The following SHPRH variants were observed in gnomAD, a reference collection of about 807,000 sequenced individuals.
SHPRH encodes the protein E3 ubiquitin-protein ligase SHPRH.
Under a neutral mutation model 202.5 loss-of-function variants are expected in SHPRH, and 106 were observed. The ratio of observed to expected loss-of-function variants is 0.52; its 90% CI spans 0.45 to 0.62. The LOEUF is 0.62. SHPRH is among the 20% of genes least tolerant of loss of function. The pLI, the probability that SHPRH is intolerant of heterozygous loss-of-function variation, is 0.00. For synonymous variants in SHPRH, 729 were observed against 686.0 expected (o/e 1.06, Z -0.98); for missense variants, 1,710 against 2,020.0 (o/e 0.85, Z 2.94).
intron 23 of SHPRH, among the ~76,000 whole-genome samples, chr6:145,916,542 T>C (rs1311760554): frequency 6.6e-6 from 1 of 152,144 alleles, no homozygotes; most frequent in Non-Finnish European, 1.5e-5. Flanking sequence ...TGGCAGAAAA[T>C]AGCACCTGTG....
intron 21 of SHPRH, 58 bp from the exon 22 acceptor site, chr6:145,919,549 A>T: frequency 6.3e-7 from 1 of 1,577,432 alleles, no homozygotes; most frequent in Non-Finnish European, 8.6e-7. Context: ...ACTGGTTAAA[A>T]CCACCAAGAT....
intron 11 of SHPRH, chr6:145,935,685 C>T: frequency 5.1e-6 from 2 of 394,930 alleles, no homozygotes; most frequent in Admixed American, 3.9e-5. Flanking sequence ...TCATTACATA[C>T]AGCTTATACT....
At chr6:145,923,449 C>T (rs1038897073) in intron 18 of SHPRH, among the ~76,000 whole-genome samples, 194 bp downstream of exon 18, 3 of 151,396 alleles carry the variant, frequency 2.0e-5, no homozygotes, top group Non-Finnish European at 3.0e-5. Context: ...GAGTTAAACC[C>T]AATTATAGTA....
rs2128745815 is a variant in SHPRH at position 145,918,194 on chromosome 6, A to G, written c.4191T>C (p.Ala1397=). The change falls in exon 23 of 30, where the codon GCT becomes GCC. Residue 1397 remains alanine, a synonymous_variant. Coordinates refer to ENST00000275233, the MANE Select transcript of SHPRH (RefSeq NM_001042683.3). ...QNRIKLLNDK[A]VATSQLQKKL... ...TTTTCTGAAGCTGTGATGTAGCAAC[A>G]GCTTTATCATTTAGTAGTTTTATTC... is the stretch of plus-strand genomic sequence containing the variant. 2 of 1,602,108 alleles carry G rather than the reference A, an allele frequency of 1.2e-6. No individual in the cohort carries two copies. The highest frequency in any genetic ancestry group is 1.1e-5 in the South Asian group (1 of 88,944).
intron 14 of SHPRH, 124 bp from the exon 15 acceptor site, chr6:145,927,401 TAAAGA>T: frequency 2.3e-6 from 2 of 881,052 alleles, no homozygotes; most frequent in Admixed American, 2.8e-5. Context: ...TTTTTTTAAG[TAAAGA>T]AATTTGACTT....
intron 2 of SHPRH, among the ~76,000 whole-genome samples, chr6:145,868,750 G>A (rs529699901): frequency 1.6e-4 from 25 of 152,254 alleles, no homozygotes; most frequent in Non-Finnish European, 3.4e-4. Context: ...GTCAATTGTT[G>A]CAATATAACA....
At chr6:145,951,790 C>T in intron 3 of SHPRH, 1 of 456,062 alleles carries the variant, frequency 2.2e-6, no homozygotes, top group Non-Finnish European at 4.4e-6. Flanking sequence ...TGCTGACCCA[C>T]CATGAGCAGA....
chr6:145,951,545 T>G (rs372858881), intron 3 of SHPRH, among the ~76,000 whole-genome samples: 1 of 152,054 alleles, frequency 6.6e-6, no homozygotes, highest in East Asian at 1.9e-4. Context: ...ATGAACAAAT[T>G]GTAATATTTT....
intron 23 of SHPRH, among the ~76,000 whole-genome samples, chr6:145,914,935 G>A (rs1186045105): frequency 1.3e-5 from 2 of 151,716 alleles, no homozygotes; most frequent in Non-Finnish European, 2.9e-5. Flanking sequence ...GAAGCTGTTG[G>A]GTGTAATGGT....
Position 145,913,523 on chromosome 6 carries a change from A to G in SHPRH, c.4281T>C (p.Val1427=), listed in dbSNP as rs1282944978. 2 of 1,609,454 alleles carry G rather than the reference A, an allele frequency of 1.2e-6. No individual in the cohort carries two copies. Among genetic ancestry groups the G allele is most frequent in the Non-Finnish European group, 1.7e-6 (2 of 1,177,998 alleles). Residue 1427 remains valine, a synonymous_variant, in exon 24 of 30, where the codon GTT becomes GTC. Coordinates refer to ENST00000275233, the MANE Select transcript of SHPRH (RefSeq NM_001042683.3). ...EKSQDKTSGG[V]NPEPCPICAR... ...CACAGATTGGGCAAGGTTCTGGATT[A>G]ACACCTCCCGATGTTTTATCTTGAG...
At chr6:145,857,913 T>C in the SHPRH span, among the ~76,000 whole-genome samples, 1 of 152,166 alleles carries the variant, frequency 6.6e-6, no homozygotes, top group Non-Finnish European at 1.5e-5. Flanking sequence ...TTACAATATT[T>C]GCACAGACCT....
At chr6:145,953,015 T>C (rs1349490378) in intron 2 of SHPRH, among the ~76,000 whole-genome samples, 1 of 152,106 alleles carries the variant, frequency 6.6e-6, no homozygotes, top group African/African-American at 2.4e-5. Flanking sequence ...CTGGCATTGA[T>C]ATTTGGAAGC....
At chr6:145,959,156 A>C (rs944454647) in intron 1 of SHPRH, among the ~76,000 whole-genome samples, 10 of 152,120 alleles carry the variant, frequency 6.6e-5, no homozygotes, top group Non-Finnish European at 1.2e-4. Context: ...TTTTTTAATA[A>C]ACTTTGTGTA....
At chr6:145,873,298 G>A (rs189078705) in intron 2 of SHPRH, among the ~76,000 whole-genome samples, 1 of 152,104 alleles carries the variant, frequency 6.6e-6, no homozygotes, top group Non-Finnish European at 1.5e-5. Context: ...TGATTGGCTG[G>A]TGGATTAGAT....
intron 20 of SHPRH, 48 bp downstream of exon 20, chr6:145,922,238 C>A: frequency 6.5e-7 from 1 of 1,533,646 alleles, no homozygotes; most frequent in South Asian, 1.2e-5. Flanking sequence ...CTGAGTCTTG[C>A]AAAATGTTTC....
downstream of SHPRH, among the ~76,000 whole-genome samples, chr6:145,860,457 G>T (rs1460429739): frequency 6.6e-6 from 1 of 151,944 alleles, no homozygotes; most frequent in African/African-American, 2.4e-5. Flanking sequence ...TGAAAGACTT[G>T]TACATTGAAA....
rs1787372049 is a variant in SHPRH at position 145,946,354 on chromosome 6, A to T, written c.1213-13T>A. On this transcript the variant is annotated splice_polypyrimidine_tract_variant and intron_variant, in intron 6 of 29. Coordinates refer to ENST00000275233, the MANE Select transcript of SHPRH (RefSeq NM_001042683.3). Reference sequence around the variant, plus strand: ...TCACCACTTTTCCCTGATACAAACAACAGTCAGTAGTTACACAGTGTTTTG... The same window carrying T: ...TCACCACTTTTCCCTGATACAAACATCAGTCAGTAGTTACACAGTGTTTTG... 1 of 1,586,082 alleles carries T rather than the reference A, an allele frequency of 6.3e-7. No homozygotes were observed. Among genetic ancestry groups the T allele is most frequent in the African/African-American group, 1.4e-5 (1 of 74,052 alleles).
At chr6:145,890,369 C>T (rs771149436) in intron 28 of SHPRH, among the ~76,000 whole-genome samples, 1 of 152,184 alleles carries the variant, frequency 6.6e-6, no homozygotes, top group Non-Finnish European at 1.5e-5. Context: ...TACCACTTAA[C>T]CTGGTTTTGA....
At chr6:145,909,652 ACTTCAT>A (rs1205252719) in intron 25 of SHPRH, 1 of 152,126 alleles carries the variant, frequency 6.6e-6, no homozygotes, top group Non-Finnish European at 1.5e-5. Context: ...AATAAAGAAT[ACTTCAT>A]CTTGCTTAAG....
Sources: allele counts gnomAD v4.1 joint callset (sites outside exome capture counted in the v4.1 genomes callset), GRCh38; gene constraint gnomAD v4.1.1; transcripts MANE v1.5; gene names NCBI Gene and HGNC (gene_info 2026-07-23, HGNC 2026-07-21).